IFT46: variants seen among roughly 807,000 people sequenced by gnomAD.
The protein encoded by IFT46 is intraflagellar transport protein 46 homolog.
IFT46 carries 19 observed loss-of-function variants against 39.6 expected under a neutral mutation model. That is an observed-to-expected ratio of 0.48 (90% CI 0.33 to 0.70). The LOEUF is 0.70. Among genes scored for constraint, IFT46 ranks in the 30% least tolerant of loss-of-function variants. The pLI is 0.01. For synonymous variants in IFT46, 117 were observed against 134.8 expected, an observed-to-expected ratio of 0.87 and a Z score of 0.91; for missense variants, 334 against 364.8, an observed-to-expected ratio of 0.92 and a Z score of 0.69.
chr11:118,552,431 C>T, intron 7 of IFT46, 96 bp from the exon 8 acceptor site: 1 of 1,451,528 alleles, frequency 6.9e-7, no homozygotes, highest in Non-Finnish European at 9.4e-7. Flanking sequence ...CATATTCGAG[C>T]TTGCTGATGA....
chr11:118,551,764 C>T (rs1555068506), intron 9 of IFT46, 22 bp downstream of exon 9: 10 of 1,597,394 alleles, frequency 6.3e-6, no homozygotes, highest in Non-Finnish European at 8.6e-6. Flanking sequence ...TCTTACCCTA[C>T]CTCCTGCTAC....
chr11:118,557,104 G>A (rs1280776214), intron 3 of IFT46, 59 bp from the exon 4 acceptor site: 16 of 1,458,966 alleles, frequency 1.1e-5, no homozygotes, highest in South Asian at 1.5e-5. Flanking sequence ...ATGTACCTAT[G>A]CCCAGTTCTC....
upstream of IFT46, among the ~76,000 whole-genome samples, chr11:118,574,634 G>A (rs1938441657): frequency 2.0e-5 from 3 of 152,242 alleles, no homozygotes; most frequent in South Asian, 4.1e-4. Context: ...TTTGGCTTTA[G>A]TTATTGAAGT....
At chr11:118,549,623 C>T (rs2135482245) in intron 9 of IFT46, among the ~76,000 whole-genome samples, 2 of 150,804 alleles carry the variant, frequency 1.3e-5, no homozygotes, top group African/African-American at 4.9e-5. Context: ...CTCCCAGGTT[C>T]AAGCGATTCT....
chr11:118,572,528 G>A (rs1938368149), intron 1 of IFT46: 1 of 1,611,198 alleles, frequency 6.2e-7, no homozygotes, highest in African/African-American at 1.3e-5. Flanking sequence ...GTGCGGGCGC[G>A]CCCCACCACC....
At chr11:118,561,418 T>C (rs1207701983) in intron 2 of IFT46, 5 of 816,514 alleles carry the variant, frequency 6.1e-6, no homozygotes, top group Non-Finnish European at 1.1e-5. Context: ...AGAAAGCTCA[T>C]GCTGCTATAT....
chr11:118,565,488 T>TGGGGTGGGGTGGGCTGAGGC (rs1938195857), intron 1 of IFT46: 4 of 1,538 alleles, frequency 2.6e-3, no homozygotes, highest in Admixed American at 7.4e-3. Flanking sequence ...TGGGGTGGGG[T>TGGGGTGGGGTGGGCTGAGGC]GGGGTGGGGT....
At chr11:118,573,607 C>A (rs1382818935), upstream of IFT46, 14 of 689,736 alleles carry the variant, frequency 2.0e-5, no homozygotes, top group East Asian at 3.3e-4. Flanking sequence ...CTTTTTTATT[C>A]TTTTGTCAAT....
upstream of IFT46, among the ~76,000 whole-genome samples, chr11:118,575,191 G>A (rs1938462282): frequency 6.6e-6 from 1 of 152,082 alleles, no homozygotes; most frequent in African/African-American, 2.4e-5. Context: ...TGTTAGCCAG[G>A]ATAGTCTCGA....
At chr11:118,547,578 C>G (rs1307800974) in intron 9 of IFT46, among the ~76,000 whole-genome samples, 1 of 151,010 alleles carries the variant, frequency 6.6e-6, no homozygotes, top group South Asian at 2.1e-4. Context: ...GCCACCAGGC[C>G]CGGCTAATTT....
chr11:118,576,426 T>TGAAA (rs782579401), upstream of IFT46, among the ~76,000 whole-genome samples: 3 of 108,778 alleles, frequency 2.8e-5, no homozygotes, highest in African/African-American at 1.0e-4. Flanking sequence ...CCAAAAATGT[T>TGAAA]AAAAAAAAAA....
At chr11:118,568,761 G>T (rs1555071935), upstream of IFT46, among the ~76,000 whole-genome samples, 2 of 149,828 alleles carry the variant, frequency 1.3e-5, no homozygotes, top group East Asian at 2.1e-4. Flanking sequence ...CTGCCTCGGG[G>T]TTCAAGCGAT....
At chr11:118,553,310 G>A (rs1392219240) in intron 7 of IFT46, among the ~76,000 whole-genome samples, 1 of 151,718 alleles carries the variant, frequency 6.6e-6, no homozygotes, top group East Asian at 1.9e-4. Context: ...GCGTGGTGGT[G>A]CATGCCTGTA....
chr11:118,568,094 G>A (rs538917237), upstream of IFT46, among the ~76,000 whole-genome samples: 19 of 152,238 alleles, frequency 1.2e-4, no homozygotes, highest in South Asian at 2.3e-3. Flanking sequence ...TTATATTTCC[G>A]AAGAAGCAGC....
chr11:118,554,453 T>C lies in IFT46; in HGVS notation c.483+6A>G, dbSNP rs782376096. The C allele has an allele frequency of 6.2e-7, 1 of 1,602,826 alleles. No homozygotes were observed. Among genetic ancestry groups the C allele is most frequent in the South Asian group, 1.1e-5 (1 of 88,808 alleles). On this transcript the variant is annotated splice_donor_region_variant and intron_variant, in intron 7 of 11. Transcript: ENST00000264021. ...AGCTGGGGCCTATACTAAGCTAGTA[T>C]CTTACTGTGATGTTGTGCTGCTTAG... is the stretch of plus-strand genomic sequence containing the variant.
At chr11:118,575,926 G>A (rs781956066), upstream of IFT46, among the ~76,000 whole-genome samples, 1 of 151,824 alleles carries the variant, frequency 6.6e-6, no homozygotes, top group Non-Finnish European at 1.5e-5. Flanking sequence ...TAGAACTGGA[G>A]CAGTGGGTAT....
At chr11:118,557,547 A>T in intron 3 of IFT46, 1 of 634,400 alleles carries the variant, frequency 1.6e-6, no homozygotes, top group East Asian at 2.9e-5. Context: ...GAAAGTTCAA[A>T]ATCAACCTTG....
At chr11:118,545,226 C>T (rs782774909) in intron 11 of IFT46, among the ~76,000 whole-genome samples, 183 bp downstream of exon 11, 2 of 151,356 alleles carry the variant, frequency 1.3e-5, no homozygotes, top group Non-Finnish European at 2.9e-5. Context: ...CTTTTTTTTC[C>T]TCCACTTTCC....
intron 7 of IFT46, among the ~76,000 whole-genome samples, chr11:118,553,066 A>G (rs1555068797): frequency 6.7e-6 from 1 of 149,046 alleles, no homozygotes; most frequent in African/African-American, 2.5e-5. Context: ...TGGGTAACAG[A>G]GCGAGACCCT....
Sources: allele counts gnomAD v4.1 joint callset (sites outside exome capture counted in the v4.1 genomes callset), GRCh38; gene constraint gnomAD v4.1.1; transcripts MANE v1.5; gene names NCBI Gene and HGNC (gene_info 2026-07-23, HGNC 2026-07-21).